The following C2CD2 variants were observed in gnomAD, a reference collection of about 807,000 sequenced individuals.
C2CD2 encodes the protein C2 domain-containing protein 2.
In C2CD2, 43 loss-of-function variants were observed where a neutral mutation model predicts 74.3. The ratio of observed to expected loss-of-function variants is 0.58; its 90% CI spans 0.45 to 0.75. C2CD2 has a LOEUF of 0.75. Among genes scored for constraint, C2CD2 ranks in the 30% least tolerant of loss-of-function variants. The pLI is 0.00. For synonymous variants in C2CD2, 422 were observed against 390.7 expected, an observed-to-expected ratio of 1.08 and a Z score of -0.94; for missense variants, 801 against 916.3, an observed-to-expected ratio of 0.87 and a Z score of 1.63.
chr21:41,936,081 A>T (rs2065305369), intron 2 of C2CD2, among the ~76,000 whole-genome samples: 1 of 152,164 alleles, frequency 6.6e-6, no homozygotes, highest in Non-Finnish European at 1.5e-5. Flanking sequence ...CACAGGCAAC[A>T]AAAACAAAAA....
At chr21:41,927,738 G>A (rs1183935003) in intron 2 of C2CD2, among the ~76,000 whole-genome samples, 1 of 152,180 alleles carries the variant, frequency 6.6e-6, no homozygotes, top group Non-Finnish European at 1.5e-5. Flanking sequence ...CAATTTGCTG[G>A]GATTATAGGT....
Position 41,895,875 on chromosome 21 carries a change from G to A in C2CD2, c.1870+3178C>T, listed in dbSNP as rs1232422376. Among the ~76,000 whole-genome samples, 1 of 152,108 alleles carries A rather than the reference G, an allele frequency of 6.6e-6. No individual in the cohort carries two copies. Among genetic ancestry groups the A allele is most frequent in the African/African-American group, 2.4e-5 (1 of 41,414 alleles). ...TCTTTGGCTTCCCAAGAACAGCATC[G>A]GATTTCAACTGGAACCACAGATGGT... On this transcript the variant is annotated intron_variant, in intron 13 of 13. Transcript: ENST00000380486. The surrounding 1 kb of genome is among the most constrained non-coding windows in gnomAD (Gnocchi z 5.0).
chr21:41,904,410 C>T (rs543492856), intron 11 of C2CD2, among the ~76,000 whole-genome samples: 1 of 152,288 alleles, frequency 6.6e-6, no homozygotes, highest in African/African-American at 2.4e-5. Flanking sequence ...ACCAGCAGCC[C>T]GTACGGGTTC....
Position 41,892,874 on chromosome 21 carries a change from C to G in C2CD2, c.1871-3530G>C, listed in dbSNP as rs1409141875. On this transcript the variant is annotated intron_variant, in intron 13 of 13. Transcript: ENST00000380486. This position sits in a 1 kb window ranked among gnomAD's most constrained non-coding sequence, Gnocchi z 4.6. ...GCACTTCACTCTGGGGGCCGGCAGA[C>G]CACAGGGCTGTGTGGGTAGAAGCTG... is the stretch of plus-strand genomic sequence containing the variant. 6.6e-6 allele frequency among the ~76,000 whole-genome samples: 1 copy of G among 152,260 alleles called. No homozygotes were observed.
At chr21:41,935,604 T>C (rs2065300361) in intron 2 of C2CD2, among the ~76,000 whole-genome samples, 1 of 152,096 alleles carries the variant, frequency 6.6e-6, no homozygotes, top group African/African-American at 2.4e-5. Flanking sequence ...CGGTAGATCA[T>C]GTCTGTAATC....
At chr21:41,932,172 AC>A (rs2065268420) in intron 2 of C2CD2, among the ~76,000 whole-genome samples, 1 of 149,194 alleles carries the variant, frequency 6.7e-6, no homozygotes, top group Admixed American at 6.7e-5. Context: ...CTCCATAAAA[AC>A]CCTGAAAGGA....
At chr21:41,951,409 T>A (rs2065449651) in intron 1 of C2CD2, among the ~76,000 whole-genome samples, 1 of 116,330 alleles carries the variant, frequency 8.6e-6, no homozygotes, top group African/African-American at 3.4e-5. Context: ...ATCACAGAAC[T>A]AATGGACTAT....
At chr21:41,910,565 A>T (rs1388590894) in intron 7 of C2CD2, among the ~76,000 whole-genome samples, 7 of 152,068 alleles carry the variant, frequency 4.6e-5, no homozygotes, top group Admixed American at 2.6e-4. Context: ...GACTTTACTT[A>T]TTTCTGAACA....
chr21:41,917,016 T>A (rs1196358157), intron 5 of C2CD2, among the ~76,000 whole-genome samples: 2 of 152,136 alleles, frequency 1.3e-5, no homozygotes, highest in Non-Finnish European at 2.9e-5. Flanking sequence ...CCTGGTCCCC[T>A]CCATTTGGAG....
chr21:41,918,441 T>G (rs1305673819), intron 4 of C2CD2, among the ~76,000 whole-genome samples: 1 of 152,194 alleles, frequency 6.6e-6, no homozygotes, highest in Non-Finnish European at 1.5e-5. Context: ...TGCAGCACCC[T>G]CACCGTGGGA....
At position 41,899,893 on chromosome 21, in the gene C2CD2, A is replaced by T. The variant is rs898458468; in HGVS notation, c.1561-531T>A. On this transcript the variant is annotated intron_variant, in intron 12 of 13. Transcript: ENST00000380486. The surrounding 1 kb of genome is among the most constrained non-coding windows in gnomAD (Gnocchi z 4.4). ...GATAGCGCTTCCTTGGAGGGGGGAA[A>T]GTTTGGGGAGGAGGGCACGGGGGCT... is the stretch of plus-strand genomic sequence containing the variant. Among the ~76,000 whole-genome samples, 14 of 136,848 alleles carry T rather than the reference A, an allele frequency of 1.0e-4. 3 individuals are homozygous for T. The highest frequency in any genetic ancestry group is 4.6e-4 in the South Asian group (2 of 4,306). The allele number at this position is 136,848 out of a possible 152,430, so 89.8% of individuals were successfully genotyped here. A position where few individuals can be genotyped will look rare whatever the true frequency, so the allele number is the denominator to read the frequency against.
At chr21:41,911,772 C>G (rs1395365175) in intron 7 of C2CD2, among the ~76,000 whole-genome samples, 1 of 151,968 alleles carries the variant, frequency 6.6e-6, no homozygotes, top group Non-Finnish European at 1.5e-5. Context: ...CTCACTGAAG[C>G]CTCGCTCTCC....
chr21:41,938,167 G>GTGTATA (rs529536959), intron 2 of C2CD2, among the ~76,000 whole-genome samples: 3 of 147,056 alleles, frequency 2.0e-5, no homozygotes, highest in African/African-American at 7.5e-5. Flanking sequence ...TTCCACACGT[G>GTGTATA]TATATATATA....
At chr21:41,951,683 G>C (rs1234794576) in intron 1 of C2CD2, among the ~76,000 whole-genome samples, 1 of 152,224 alleles carries the variant, frequency 6.6e-6, no homozygotes, top group Non-Finnish European at 1.5e-5. Context: ...AGTGTTCTCA[G>C]ATTGACTTGA....
At chr21:41,943,378 G>C (rs1346256992) in intron 1 of C2CD2, among the ~76,000 whole-genome samples, 2 of 152,164 alleles carry the variant, frequency 1.3e-5, no homozygotes, top group African/African-American at 4.8e-5. Flanking sequence ...TTATGACGAA[G>C]AACCCAGGGC....
At chr21:41,893,698 C>CCTTTTT (rs1555899232) in intron 13 of C2CD2, among the ~76,000 whole-genome samples, 2 of 122,090 alleles carry the variant, frequency 1.6e-5, no homozygotes, top group African/African-American at 6.2e-5. Flanking sequence ...TGTTAAATTT[C>CCTTTTT]TTTTTTTTTT....
At chr21:41,922,181 C>T in intron 2 of C2CD2, 96 bp from the exon 3 acceptor site, 1 of 690,512 alleles carries the variant, frequency 1.4e-6, no homozygotes, top group Non-Finnish European at 2.5e-6. Context: ...TTTTTTGAGA[C>T]AAGGTCTCAC....
In C2CD2 at chr21:41,936,830, T is replaced by G. The variant is rs1364749316; in HGVS notation, c.378+5317A>C. On this transcript the variant is annotated intron_variant, in intron 2 of 13. Transcript: ENST00000380486. ...TTTTCTTTTCCTTTTTTTTTTTTTT[T>G]TTTTTTTGAGACGCAGTCTTGCTCT... Among the ~76,000 whole-genome samples, 6 of 147,712 alleles carry G rather than the reference T, an allele frequency of 4.1e-5. 1 individual carries two copies. The highest frequency in any genetic ancestry group is 9.0e-5 in the Non-Finnish European group (6 of 66,940).
intron 1 of C2CD2, among the ~76,000 whole-genome samples, chr21:41,951,396 G>T: frequency 8.2e-6 from 1 of 122,178 alleles, no homozygotes; most frequent in Non-Finnish European, 1.6e-5. Flanking sequence ...ACCAAAAACT[G>T]ACATCACAGA....
Sources: gnomAD v4.1 joint callset for allele counts (sites outside exome capture counted in the v4.1 genomes callset) on GRCh38, gnomAD v4.1.1 for gene constraint, Gnocchi (gnomAD v3.1) non-coding constraint, MANE v1.5 for transcripts, NCBI Gene and HGNC (gene_info 2026-07-23, HGNC 2026-07-21) for gene names.